The following CAPZA1 variants were observed in gnomAD, a reference collection of about 807,000 sequenced individuals.
CAPZA1 encodes capping actin protein of muscle Z-line subunit alpha 1, also known as F-actin-capping protein subunit alpha-1.
In CAPZA1, 10 loss-of-function variants were observed where a neutral mutation model predicts 40.8. The observed-to-expected ratio is 0.25, with a 90% CI of 0.15 to 0.42. The LOEUF (loss-of-function observed/expected upper bound fraction) is 0.42. Ranked by LOEUF, CAPZA1 falls within the 10% of genes least tolerant of loss-of-function variation. The pLI is 1.00. For synonymous variants in CAPZA1, 98 were observed against 115.0 expected, an observed-to-expected ratio of 0.85 and a Z score of 0.95; for missense variants, 277 against 353.8, an observed-to-expected ratio of 0.78 and a Z score of 1.74.
chr1:112,619,896 C>CCTCT lies in CAPZA1; in HGVS notation c.39+20_39+23dup. ...GGATGAGGAGAAGGTAAGGGGTCCG[C>CCTCT]CTCTCTCTCTTACCTCCTCCCCCGA... On this transcript the variant is annotated intron_variant, in intron 1 of 9. Coordinates refer to ENST00000263168, the MANE Select transcript of CAPZA1 (RefSeq NM_006135.3). 1 of 1,604,534 alleles carries CCTCT rather than the reference C, an allele frequency of 6.2e-7. No homozygotes were observed. The highest frequency in any genetic ancestry group is 1.3e-5 in the African/African-American group (1 of 74,802).
intron 3 of CAPZA1, among the ~76,000 whole-genome samples, chr1:112,651,312 A>T (rs187839756): frequency 3.3e-5 from 5 of 152,360 alleles, no homozygotes; most frequent in Admixed American, 2.0e-4. Context: ...AGAGAATAAC[A>T]TAATGAGACT....
chr1:112,625,320 T>A (rs1670784794), intron 1 of CAPZA1, among the ~76,000 whole-genome samples: 1 of 152,182 alleles, frequency 6.6e-6, no homozygotes, highest in Admixed American at 6.5e-5. Context: ...ACTTGGAGCC[T>A]TGCAAAGCCC....
At chr1:112,659,367 T>C (rs1004393281) in intron 6 of CAPZA1, 2 of 533,188 alleles carry the variant, frequency 3.8e-6, no homozygotes, top group Admixed American at 6.7e-5. Context: ...TTACTGCTAC[T>C]TGAGTTAATT....
chr1:112,634,781 A>G (rs1378774734), intron 1 of CAPZA1: 2 of 152,150 alleles, frequency 1.3e-5, no homozygotes, highest in Non-Finnish European at 2.9e-5. Flanking sequence ...AGCTGTAACA[A>G]CTCCCAACAA....
At chr1:112,648,347 CTTTT>C (rs35670246) in intron 2 of CAPZA1, among the ~76,000 whole-genome samples, 12 of 99,388 alleles carry the variant, frequency 1.2e-4, no homozygotes, top group African/African-American at 3.7e-4. Context: ...TTGAATTTTT[CTTTT>C]TTTTTTTTTT....
chr1:112,639,959 A>G (rs1181685392), intron 1 of CAPZA1, among the ~76,000 whole-genome samples: 30 of 103,906 alleles, frequency 2.9e-4, no homozygotes, highest in East Asian at 1.5e-3. Flanking sequence ...TCCGGGAGGG[A>G]GGTGGGGGGG....
intron 1 of CAPZA1, among the ~76,000 whole-genome samples, chr1:112,624,005 C>CAAAAAAAAAAA (rs749422218): frequency 3.2e-4 from 24 of 74,736 alleles, no homozygotes; most frequent in African/African-American, 6.9e-4. Flanking sequence ...GACTCCATCT[C>CAAAAAAAAAAA]AAAAAAAAAA....
At chr1:112,654,374 C>T (rs1262521464) in intron 4 of CAPZA1, 91 bp from the exon 5 acceptor site, 1 of 756,674 alleles carries the variant, frequency 1.3e-6, no homozygotes, top group Non-Finnish European at 2.1e-6. Flanking sequence ...GAAAAGTTAA[C>T]TGCCTCAGAA....
At chr1:112,624,443 T>C (rs1444221337) in intron 1 of CAPZA1, among the ~76,000 whole-genome samples, 3 of 151,860 alleles carry the variant, frequency 2.0e-5, no homozygotes, top group Non-Finnish European at 4.4e-5. Context: ...ACCCTGTCTC[T>C]ATTAAAAATA....
intron 1 of CAPZA1, among the ~76,000 whole-genome samples, chr1:112,632,788 C>T (rs967376311): frequency 6.6e-6 from 1 of 152,170 alleles, no homozygotes; most frequent in Non-Finnish European, 1.5e-5. Flanking sequence ...TCCCTACCTA[C>T]TTATGTCTAA....
intron 1 of CAPZA1, among the ~76,000 whole-genome samples, chr1:112,635,045 A>G (rs1670989148): frequency 6.6e-6 from 1 of 152,216 alleles, no homozygotes; most frequent in Non-Finnish European, 1.5e-5. Flanking sequence ...TATATAGAAG[A>G]GGAAAGCAAG....
intron 1 of CAPZA1, among the ~76,000 whole-genome samples, chr1:112,621,141 C>G (rs1379166263): frequency 2.0e-5 from 3 of 152,214 alleles, no homozygotes; most frequent in Non-Finnish European, 4.4e-5. Flanking sequence ...TATTTGGAAA[C>G]TGATCTTCAT....
intron 1 of CAPZA1, among the ~76,000 whole-genome samples, chr1:112,624,444 A>G (rs1449613197): frequency 6.6e-6 from 1 of 151,938 alleles, no homozygotes; most frequent in East Asian, 1.9e-4. Context: ...CCCTGTCTCT[A>G]TTAAAAATAC....
At chr1:112,669,468 G>C in intron 8 of CAPZA1, 75 bp from the exon 9 acceptor site, 2 of 985,522 alleles carry the variant, frequency 2.0e-6, no homozygotes, top group Non-Finnish European at 3.3e-6. Context: ...TAGTTAAGAT[G>C]GACTTACTTT....
intron 5 of CAPZA1, among the ~76,000 whole-genome samples, chr1:112,655,507 A>AT (rs1342707137): frequency 6.6e-6 from 1 of 151,274 alleles, no homozygotes; most frequent in Non-Finnish European, 1.5e-5. Context: ...AAACCAAACA[A>AT]TTTTTTTTTA....
chr1:112,659,528 AT>A, intron 6 of CAPZA1, 172 bp from the exon 7 acceptor site: 1 of 593,542 alleles, frequency 1.7e-6, no homozygotes. Context: ...CCAGACTTAC[AT>A]TTGAGTAGAC....
chr1:112,624,605 CAAAAAAA>C (rs34860716), intron 1 of CAPZA1, among the ~76,000 whole-genome samples: 1,472 of 55,826 alleles, frequency 0.026, 18 homozygotes, highest in Middle Eastern at 0.061. Flanking sequence ...AAAACTCCAT[CAAAAAAA>C]AAAAAAAAAA....
chr1:112,644,012 G>A (rs1348291478), intron 1 of CAPZA1, among the ~76,000 whole-genome samples: 1 of 150,796 alleles, frequency 6.6e-6, no homozygotes, highest in African/African-American at 2.4e-5. Context: ...GCCCGGCTAA[G>A]TTTTGTATTT....
intron 1 of CAPZA1, among the ~76,000 whole-genome samples, chr1:112,629,105 T>A (rs1670871124): frequency 6.6e-6 from 1 of 152,238 alleles, no homozygotes; most frequent in Non-Finnish European, 1.5e-5. Flanking sequence ...TGGCTTCCCA[T>A]CTTTTTCTAA....
Sources: allele counts gnomAD v4.1 joint callset (sites outside exome capture counted in the v4.1 genomes callset), GRCh38; gene constraint gnomAD v4.1.1; transcripts MANE v1.5; gene names NCBI Gene and HGNC (gene_info 2026-07-23, HGNC 2026-07-21).